JARID2: variants seen among roughly 807,000 people sequenced by gnomAD.
JARID2 encodes jumonji and AT-rich interaction domain containing 2, also known as protein Jumonji.
Under a neutral mutation model 125.6 loss-of-function variants are expected in JARID2, and 21 were observed. The ratio of observed to expected loss-of-function variants is 0.17; its 90% CI spans 0.12 to 0.24. JARID2 has a LOEUF of 0.24. JARID2 is among the 10% of genes least tolerant of loss of function. The probability of loss-of-function intolerance (pLI) is 1.00; values close to 1 mark genes in which losing one functional copy is unlikely to be tolerated. For missense variants in JARID2, 1,303 were observed against 1,639.6 expected (o/e 0.79, Z 3.55); for synonymous variants, 736 against 661.6 (o/e 1.11, Z -1.73).
intron 3 of JARID2, among the ~76,000 whole-genome samples, chr6:15,421,162 C>A (rs1055396258): frequency 6.6e-6 from 1 of 152,106 alleles, no homozygotes; most frequent in Admixed American, 6.5e-5. Flanking sequence ...TCTCTCAGGG[C>A]AGTGAGCTGG....
chr6:15,396,843 A>G (rs1217000818), intron 2 of JARID2, among the ~76,000 whole-genome samples: 1 of 152,216 alleles, frequency 6.6e-6, no homozygotes, highest in African/African-American at 2.4e-5. Context: ...TGGAACAACT[A>G]CTTTAATTGT....
intron 1 of JARID2, among the ~76,000 whole-genome samples, chr6:15,277,236 G>T (rs1760560146): frequency 6.6e-6 from 1 of 152,152 alleles, no homozygotes; most frequent in Non-Finnish European, 1.5e-5. Context: ...TGGGTGGCTG[G>T]AGTATATGCA....
intron 2 of JARID2, among the ~76,000 whole-genome samples, chr6:15,387,915 C>T (rs193278394): frequency 3.3e-5 from 5 of 152,204 alleles, no homozygotes; most frequent in African/African-American, 9.6e-5. Context: ...AACAGTAATT[C>T]ATCTTATCTA....
At chr6:15,487,617 A>G in intron 6 of JARID2, 75 bp downstream of exon 6, 1 of 1,280,282 alleles carries the variant, frequency 7.8e-7, no homozygotes, top group Non-Finnish European at 1.1e-6. Flanking sequence ...CTAAAAATTC[A>G]TCTTCAGAGG....
chr6:15,511,599 C>T (rs892037438), intron 13 of JARID2, among the ~76,000 whole-genome samples, 198 bp downstream of exon 13: 1 of 152,170 alleles, frequency 6.6e-6, no homozygotes, highest in Non-Finnish European at 1.5e-5. Flanking sequence ...GGGTTTTGCA[C>T]GGCCTTTGCA....
chr6:15,443,479 C>T (rs958135074), intron 3 of JARID2, among the ~76,000 whole-genome samples: 3 of 151,992 alleles, frequency 2.0e-5, no homozygotes, highest in Admixed American at 6.6e-5. Context: ...AATTTTTCAC[C>T]TTCCCCTCCA....
chr6:15,419,062 G>C (rs969288368), intron 3 of JARID2, among the ~76,000 whole-genome samples: 1 of 151,844 alleles, frequency 6.6e-6, no homozygotes, highest in Non-Finnish European at 1.5e-5. Context: ...TAAGTGCCTA[G>C]TTTTTACTCA....
At chr6:15,337,669 C>G (rs915930880) in intron 1 of JARID2, among the ~76,000 whole-genome samples, 1 of 152,110 alleles carries the variant, frequency 6.6e-6, no homozygotes, top group Non-Finnish European at 1.5e-5. Flanking sequence ...CTCCCCCCAC[C>G]CCCCTGAATT....
chr6:15,259,211 T>G (rs1759781724), intron 1 of JARID2, among the ~76,000 whole-genome samples: 1 of 152,244 alleles, frequency 6.6e-6, no homozygotes, highest in Non-Finnish European at 1.5e-5. Flanking sequence ...AGGCAAGATG[T>G]ACCCTTAGAG....
chr6:15,444,145 C>T (rs752782269), intron 3 of JARID2, among the ~76,000 whole-genome samples: 1 of 152,186 alleles, frequency 6.6e-6, no homozygotes, highest in Non-Finnish European at 1.5e-5. Flanking sequence ...ATAAAGCAGG[C>T]ATTCTGCGTA....
intron 5 of JARID2, among the ~76,000 whole-genome samples, chr6:15,470,266 A>G (rs987631714): frequency 2.0e-5 from 3 of 152,072 alleles, no homozygotes; most frequent in African/African-American, 7.2e-5. Flanking sequence ...TCCTCCTATC[A>G]GCTACTCCAC....
intron 1 of JARID2, among the ~76,000 whole-genome samples, chr6:15,269,358 C>T (rs747709536): frequency 6.6e-6 from 1 of 152,000 alleles, no homozygotes; most frequent in Non-Finnish European, 1.5e-5. Flanking sequence ...TTTGAACCTT[C>T]AGCATTTTTT....
At chr6:15,297,848 T>C (rs955921824) in intron 1 of JARID2, among the ~76,000 whole-genome samples, 11 of 152,084 alleles carry the variant, frequency 7.2e-5, no homozygotes, top group Non-Finnish European at 1.5e-4. Context: ...TCTCTACAAA[T>C]GTAAAATGTT....
rs1561903466 is a variant in JARID2, at chr6:15,496,170, G to A, written c.945G>A (p.Leu315=). The change falls in exon 7 of 18, where the codon CTG becomes CTA. Residue 315 remains leucine, a synonymous_variant. Coordinates refer to ENST00000341776, the MANE Select transcript of JARID2 (RefSeq NM_004973.4). ...ACGGAGTCACTCGAATGTCATCTCT[G>A]GGTGCAGGTGTAACCAGTGCCAAAA... is the stretch of plus-strand genomic sequence containing the variant. The part of the protein sequence containing the change: ...KVNGVTRMSS[L]GAGVTSAKKM... 2.5e-6 allele frequency: 4 copies of A among 1,613,768 alleles called. No homozygotes were observed. The highest frequency in any genetic ancestry group is 1.7e-5 in the Admixed American group (1 of 60,002).
At chr6:15,354,732 A>C (rs1763540904) in intron 1 of JARID2, among the ~76,000 whole-genome samples, 1 of 152,320 alleles carries the variant, frequency 6.6e-6, no homozygotes, top group South Asian at 2.1e-4. Flanking sequence ...GTTAGGCCAC[A>C]TGACTGGTGA....
chr6:15,267,001 C>G (rs945168513), intron 1 of JARID2, among the ~76,000 whole-genome samples: 3 of 152,222 alleles, frequency 2.0e-5, no homozygotes, highest in Admixed American at 2.0e-4. Flanking sequence ...CTAATAGGCA[C>G]AACTGTGCCC....
chr6:15,505,365 T>TTC (rs1554146732), intron 9 of JARID2: 27 of 130,440 alleles, frequency 2.1e-4, no homozygotes, highest in Non-Finnish European at 3.0e-4. Flanking sequence ...TTTTTTTTTT[T>TTC]CCCCTTAATG....
chr6:15,480,945 T>G (rs1769584664), intron 5 of JARID2, among the ~76,000 whole-genome samples: 2 of 152,250 alleles, frequency 1.3e-5, no homozygotes, highest in Non-Finnish European at 2.9e-5. Context: ...AACAAAGCTT[T>G]TGGGGAACAT....
At chr6:15,497,568 G>A (rs935371942) in intron 7 of JARID2, among the ~76,000 whole-genome samples, 22 of 151,544 alleles carry the variant, frequency 1.5e-4, no homozygotes, top group Non-Finnish European at 3.2e-4. Context: ...GGAGAATGGC[G>A]TGAACCCAGG....
Sources: allele counts gnomAD v4.1 joint callset (sites outside exome capture counted in the v4.1 genomes callset), GRCh38; gene constraint gnomAD v4.1.1; transcripts MANE v1.5; gene names NCBI Gene and HGNC (gene_info 2026-07-23, HGNC 2026-07-21).